Variants in EPHA5 observed in about 807,000 individuals in gnomAD.
EPHA5 encodes the protein EPH receptor A5.
In EPHA5, 60 loss-of-function variants were observed where a neutral mutation model predicts 105.0. That is an observed-to-expected ratio of 0.57 (90% CI 0.46 to 0.71). EPHA5 has a LOEUF of 0.71. EPHA5 is among the 30% of genes least tolerant of loss of function. EPHA5 has a pLI of 0.00. For synonymous variants in EPHA5, 513 were observed against 449.1 expected (o/e 1.14, Z -1.80); for missense variants, 1,218 against 1,274.7 (o/e 0.96, Z 0.68).
intron 14 of EPHA5, among the ~76,000 whole-genome samples, chr4:65,337,724 G>A (rs1013055924): frequency 6.6e-6 from 1 of 152,016 alleles, no homozygotes; most frequent in Non-Finnish European, 1.5e-5. Context: ...AATCTGGCTA[G>A]AGCATAGGAG....
intron 5 of EPHA5, among the ~76,000 whole-genome samples, chr4:65,439,731 G>C (rs944453907): frequency 6.6e-6 from 1 of 151,958 alleles, no homozygotes; most frequent in Admixed American, 6.6e-5. Context: ...GATTTACTTT[G>C]GTAATTTCAG....
At chr4:65,634,627 A>T (rs58045802) in intron 2 of EPHA5, among the ~76,000 whole-genome samples, 1,706 of 152,140 alleles carry the variant, frequency 0.011, 36 homozygotes, top group African/African-American at 0.039. Flanking sequence ...GCTACTTTGG[A>T]TCAGGCTTGT....
At chr4:65,404,316 G>T (rs2148990170) in intron 8 of EPHA5, 58 bp downstream of exon 8, 1 of 1,454,416 alleles carries the variant, frequency 6.9e-7, no homozygotes, top group Non-Finnish European at 9.6e-7. Context: ...CAAATGGTCA[G>T]ATCAAGGTGA....
In EPHA5 at chr4:65,419,105, G is replaced by C. The variant is rs566683558; in HGVS notation, c.1527+1336C>G. ...TCACTACGTTGGGCAGGCTGGTCTCGAACTACTGACCTCAGGCGACCACCC... is the reference window on the plus strand; with the variant it reads ...TCACTACGTTGGGCAGGCTGGTCTCCAACTACTGACCTCAGGCGACCACCC... On this transcript the variant is annotated intron_variant, in intron 6 of 16. Transcript: ENST00000613740. Among the ~76,000 whole-genome samples the C allele has an allele frequency of 2.0e-5, 3 of 151,586 alleles. No homozygotes were observed. The East Asian group carries it at 5.9e-4, about 30-fold the overall frequency.
intron 16 of EPHA5, chr4:65,330,806 T>C (rs867004493): frequency 5.4e-5 from 56 of 1,028,884 alleles, no homozygotes; most frequent in South Asian, 1.4e-4. Context: ...ACAAAGCATA[T>C]GTGTTATCAA....
At chr4:65,502,770 T>C (rs960139175) in intron 3 of EPHA5, among the ~76,000 whole-genome samples, 1 of 151,734 alleles carries the variant, frequency 6.6e-6, no homozygotes, top group Non-Finnish European at 1.5e-5. Flanking sequence ...AAATAAGTTG[T>C]TCTGACAAAA....
intron 5 of EPHA5, among the ~76,000 whole-genome samples, chr4:65,457,909 C>T (rs892837600): frequency 6.6e-6 from 1 of 151,692 alleles, no homozygotes; most frequent in Non-Finnish European, 1.5e-5. Flanking sequence ...CCCGTCTCCA[C>T]TAAAAATTCA....
chr4:65,490,519 G>A lies in EPHA5; in HGVS notation c.1260C>T (p.Gly420=). 1 of 1,614,128 alleles carries A rather than the reference G, an allele frequency of 6.2e-7. No individual in the cohort carries two copies. The highest frequency in any genetic ancestry group is 8.5e-7 in the Non-Finnish European group (1 of 1,180,022). The stretch of plus-strand genomic sequence containing the variant: ...CCATCATGACAGAGGTGTTTTTCAG[G>A]CCGCTTTGCCGGGGAAGGTACCTGA... ...GHVRYLPRQS[G]LKNTSVMMVD... is the part of the protein sequence containing the mutation. The change falls in exon 5 of 17, where the codon GGC becomes GGT. Residue 420 remains glycine, a synonymous_variant. Transcript: ENST00000613740.
At chr4:65,510,370 T>G (rs977137800) in intron 3 of EPHA5, among the ~76,000 whole-genome samples, 1 of 151,988 alleles carries the variant, frequency 6.6e-6, no homozygotes, top group African/African-American at 2.4e-5. Context: ...TAGCAAGACT[T>G]TAATTTACTA....
chr4:65,622,648 A>G (rs952656395), intron 2 of EPHA5, among the ~76,000 whole-genome samples: 12 of 152,072 alleles, frequency 7.9e-5, no homozygotes, highest in Non-Finnish European at 1.2e-4. Context: ...TCTATTTTTA[A>G]TGATGTGGTA....
chr4:65,491,748 T>C (rs1440389641), intron 4 of EPHA5, among the ~76,000 whole-genome samples: 1 of 152,032 alleles, frequency 6.6e-6, no homozygotes, highest in Non-Finnish European at 1.5e-5. Context: ...TGATCAGAAT[T>C]GCTTTATGAA....
chr4:65,372,714 G>A (rs1015495221), intron 8 of EPHA5, among the ~76,000 whole-genome samples: 1 of 151,816 alleles, frequency 6.6e-6, no homozygotes, highest in Non-Finnish European at 1.5e-5. Context: ...GATCAAGGGT[G>A]CTAACAACCC....
chr4:65,395,454 T>C (rs919268416), intron 8 of EPHA5, among the ~76,000 whole-genome samples: 53 of 152,288 alleles, frequency 3.5e-4, no homozygotes, highest in African/African-American at 1.2e-3. Flanking sequence ...GACTTAAAAG[T>C]AAGTACAAAA....
At chr4:65,604,608 T>C (rs1194930777) in intron 2 of EPHA5, among the ~76,000 whole-genome samples, 1 of 152,072 alleles carries the variant, frequency 6.6e-6, no homozygotes, top group Non-Finnish European at 1.5e-5. Flanking sequence ...TACTAAGAAA[T>C]TGACAGAAAG....
chr4:65,471,461 T>G (rs1729275490), intron 5 of EPHA5, among the ~76,000 whole-genome samples: 1 of 152,202 alleles, frequency 6.6e-6, no homozygotes, highest in Non-Finnish European at 1.5e-5. Context: ...TAGGTTCATG[T>G]GGTATATGTT....
Position 65,341,773 on chromosome 4 carries a change from A to C in EPHA5, c.2596-5648T>G, listed in dbSNP as rs1038381762. Among the ~76,000 whole-genome samples the C allele has an allele frequency of 4.6e-5, 7 of 152,036 alleles. No homozygotes were observed. In the South Asian group the frequency reaches 6.2e-4, roughly 14 times the overall value. ...AAGCATCAGCTGTGTGTTTCCATGA[A>C]TTAAGTTCTATCTAGGGCTTGAGTA... is the stretch of plus-strand genomic sequence containing the variant. On this transcript the variant is annotated intron_variant, in intron 14 of 16. Coordinates refer to ENST00000613740, the MANE Select transcript of EPHA5 (RefSeq NM_001281766.3).
At chr4:65,406,685 C>G (rs1260370819) in intron 7 of EPHA5, among the ~76,000 whole-genome samples, 1 of 152,214 alleles carries the variant, frequency 6.6e-6, no homozygotes, top group African/African-American at 2.4e-5. Context: ...AAATTTATAT[C>G]TCCAACCCTT....
chr4:65,378,835 T>A (rs10019174), intron 8 of EPHA5, among the ~76,000 whole-genome samples: 7,598 of 151,922 alleles, frequency 0.05, 334 homozygotes, highest in African/African-American at 0.11. Flanking sequence ...TTGACACTTG[T>A]AAGCAGTCAA....
intron 5 of EPHA5, among the ~76,000 whole-genome samples, chr4:65,439,295 A>C (rs1332861071): frequency 6.6e-6 from 1 of 152,094 alleles, no homozygotes; most frequent in East Asian, 1.9e-4. Flanking sequence ...GATATTTAAC[A>C]CTTTGGTACT....
Sources: gnomAD v4.1 joint callset for allele counts (sites outside exome capture counted in the v4.1 genomes callset) on GRCh38, gnomAD v4.1.1 for gene constraint, MANE v1.5 for transcripts, NCBI Gene and HGNC (gene_info 2026-07-23, HGNC 2026-07-21) for gene names.